DNAH11: variants seen among roughly 807,000 people sequenced by gnomAD.
DNAH11 encodes axonemal beta dynein heavy chain 11.
Under a neutral mutation model 526.0 loss-of-function variants are expected in DNAH11, and 442 were observed. The ratio of observed to expected loss-of-function variants is 0.84; its 90% CI spans 0.78 to 0.91. The LOEUF (loss-of-function observed/expected upper bound fraction) is 0.91. Among genes scored for constraint, DNAH11 ranks in the 40% least tolerant of loss-of-function variants. The probability of loss-of-function intolerance (pLI) is 0.00; values close to 1 mark genes in which losing one functional copy is unlikely to be tolerated. For synonymous variants in DNAH11, 2,461 were observed against 1,935.9 expected (o/e 1.27, Z -7.12); for missense variants, 6,989 against 5,448.7 (o/e 1.28, Z -8.90).
At chr7:21,845,708 T>C (rs929093942) in intron 66 of DNAH11, among the ~76,000 whole-genome samples, 12 of 152,202 alleles carry the variant, frequency 7.9e-5, no homozygotes, top group African/African-American at 1.4e-4. Context: ...CTGGATCTTA[T>C]GATTTTTAAT....
intron 2 of DNAH11, among the ~76,000 whole-genome samples, chr7:21,551,695 C>G (rs1261518262): frequency 6.6e-6 from 1 of 152,174 alleles, no homozygotes; most frequent in Non-Finnish European, 1.5e-5. Context: ...GACGACCTAT[C>G]CACAAATAGC....
chr7:21,751,428 C>T (rs192878680), intron 54 of DNAH11, among the ~76,000 whole-genome samples: 14 of 152,076 alleles, frequency 9.2e-5, no homozygotes, highest in Admixed American at 6.6e-5. Flanking sequence ...GATAATATAA[C>T]CAGATAATAG....
chr7:21,586,807 A>G (rs1784492013), intron 9 of DNAH11, among the ~76,000 whole-genome samples: 1 of 152,220 alleles, frequency 6.6e-6, no homozygotes, highest in South Asian at 2.1e-4. Flanking sequence ...AGGCTTAATA[A>G]CTAACATATT....
At chr7:21,633,431 T>C (rs1786712985) in intron 25 of DNAH11, among the ~76,000 whole-genome samples, 1 of 152,242 alleles carries the variant, frequency 6.6e-6, no homozygotes, top group African/African-American at 2.4e-5. Context: ...TATTACTGTA[T>C]TGCAGTCTAT....
chr7:21,560,936 C>T (rs1783432217), intron 4 of DNAH11, 135 bp from the exon 5 acceptor site: 1 of 614,136 alleles, frequency 1.6e-6, no homozygotes, highest in African/African-American at 1.9e-5. Context: ...CAACTGGAAA[C>T]CAGATATAAC....
At chr7:21,568,149 T>G (rs572354318) in intron 6 of DNAH11, among the ~76,000 whole-genome samples, 10 of 152,322 alleles carry the variant, frequency 6.6e-5, no homozygotes, top group African/African-American at 1.9e-4. Context: ...ACAATATCAT[T>G]GGTAAATTGG....
At chr7:21,781,855 A>G (rs1296079747) in intron 57 of DNAH11, among the ~76,000 whole-genome samples, 1 of 152,134 alleles carries the variant, frequency 6.6e-6, no homozygotes, top group African/African-American at 2.4e-5. Flanking sequence ...AGTATTGGCA[A>G]GTTTGGTTTC....
At chr7:21,665,285 A>G (rs1338473875) in intron 30 of DNAH11, among the ~76,000 whole-genome samples, 1 of 152,074 alleles carries the variant, frequency 6.6e-6, no homozygotes, top group East Asian at 1.9e-4. Context: ...ATATTGCAAG[A>G]CCACCTATTA....
Position 21,620,069 on chromosome 7 carries a change from G to C in DNAH11, c.4491G>C (p.Glu1497Asp), listed in dbSNP as rs564202359. ...KSDEQLFETL[E>D]HNQVQLQTLL... Reference sequence around the variant, plus strand: ...ATGAACAACTTTTTGAAACTCTAGAGCACAACCAAGTAAGATGGATATTTT... The same window carrying C: ...ATGAACAACTTTTTGAAACTCTAGACCACAACCAAGTAAGATGGATATTTT... The change falls in exon 25 of 82, where the codon GAG becomes GAC. Residue 1497 changes from glutamate (E) to aspartate (D), a missense_variant. By Grantham distance (45) the Glu-to-Asp change is conservative. Coordinates refer to ENST00000409508, the MANE Select transcript of DNAH11 (RefSeq NM_001277115.2). 1 of 1,584,994 alleles carries C rather than the reference G, an allele frequency of 6.3e-7. No homozygotes were observed. The highest frequency in any genetic ancestry group is 2.3e-5 in the East Asian group (1 of 44,194).
At chr7:21,640,812 T>C (rs1787095411) in intron 28 of DNAH11, among the ~76,000 whole-genome samples, 1 of 152,190 alleles carries the variant, frequency 6.6e-6, no homozygotes, top group African/African-American at 2.4e-5. Context: ...AGCTTTCGTT[T>C]AATAACTTGG....
At chr7:21,765,867 A>G (rs865844275) in intron 55 of DNAH11, among the ~76,000 whole-genome samples, 1 of 152,214 alleles carries the variant, frequency 6.6e-6, no homozygotes, top group Non-Finnish European at 1.5e-5. Context: ...GTTCTCACTC[A>G]TGCACTGACT....
chr7:21,825,921 T>C (rs1790271961), intron 65 of DNAH11, among the ~76,000 whole-genome samples: 2 of 147,988 alleles, frequency 1.4e-5, no homozygotes, highest in South Asian at 2.1e-4. Context: ...ATGGTGCCAC[T>C]GCACTCCAGC....
rs1782693062 is a variant in DNAH11 at position 21,672,723 on chromosome 7, TTC to T, written c.5329-8821_5329-8820del. Among the ~76,000 whole-genome samples, 4 of 152,320 alleles carry T rather than the reference TTC, an allele frequency of 2.6e-5. No homozygotes were observed. In the South Asian group the frequency reaches 8.3e-4, roughly 32 times the overall value. On this transcript the variant is annotated intron_variant, in intron 30 of 81. Transcript: ENST00000409508. ...GCTTCTGCTGCAAGGAAGATTTTTT[TTC>T]TTTGTTGCCTTATTTAAACCTATAG...
chr7:21,738,574 T>C (rs1300496202), intron 46 of DNAH11, 127 bp from the exon 47 acceptor site: 4 of 906,736 alleles, frequency 4.4e-6, no homozygotes, highest in Middle Eastern at 3.5e-4. Flanking sequence ...TCTTAACCTA[T>C]GAAGGGGCGA....
Position 21,742,020 on chromosome 7 carries a change from G to T in DNAH11, c.8008G>T (p.Ala2670Ser), listed in dbSNP as rs1393179441. The T allele has an allele frequency of 2.5e-6, 4 of 1,613,892 alleles. No individual in the cohort carries two copies. Among genetic ancestry groups the T allele is most frequent in the Admixed American group, 1.7e-5 (1 of 60,004 alleles). The part of the protein sequence containing the change: ...QIFSFHFQQQ[A>S]FAPSILRSGP... ...CTTTAGCTTCCATTTCCAACAGCAA[G>T]CATTTGCTCCATCAATTCTCAGGAG... Residue 2670 changes from alanine (A) to serine (S), a missense_variant, in exon 49 of 82, where the codon GCA becomes TCA. Coordinates refer to ENST00000409508, the MANE Select transcript of DNAH11 (RefSeq NM_001277115.2).
At position 21,591,023 on chromosome 7, in the gene DNAH11, G is replaced by C; in HGVS notation, c.2274+1G>C. 1 of 1,491,228 alleles carries C rather than the reference G, an allele frequency of 6.7e-7. No homozygotes were observed. The highest frequency in any genetic ancestry group is 8.9e-7 in the Non-Finnish European group (1 of 1,129,216). 92.4% of individuals were successfully genotyped at this position (1,491,228 alleles called of 1,614,324 possible). On this transcript the variant is annotated splice_donor_variant, in intron 13 of 81. Transcript: ENST00000409508. LOFTEE classifies it high-confidence loss of function. Reference sequence around the variant, plus strand: ...CAAGAAAAGGAACACTATTTTAAAGGTTTGTGATTTTTGTTAAAAAAAAGA... The same window carrying C: ...CAAGAAAAGGAACACTATTTTAAAGCTTTGTGATTTTTGTTAAAAAAAAGA...
At chr7:21,793,374 T>C (rs2127990333) in intron 61 of DNAH11, among the ~76,000 whole-genome samples, 1 of 152,320 alleles carries the variant, frequency 6.6e-6, no homozygotes, top group Middle Eastern at 3.4e-3. Context: ...TCCCAGCACT[T>C]TGAGAGGCTG....
rs114247377 is a variant in DNAH11 at position 21,551,185 on chromosome 7, T to A, written c.495+6036T>A. Among the ~76,000 whole-genome samples, 1,410 of 152,262 alleles carry A rather than the reference T, an allele frequency of 9.3e-3. 20 individuals carry two copies. The highest frequency in any genetic ancestry group is 0.032 in the African/African-American group (1,332 of 41,548). On this transcript the variant is annotated intron_variant, in intron 2 of 81. Coordinates refer to ENST00000409508, the MANE Select transcript of DNAH11 (RefSeq NM_001277115.2). ...CATCTTCAGTTTGACCCCTATCCTGTCTAATTCTTCCTTCTTCTCTCTGGT... is the reference window on the plus strand; with the variant it reads ...CATCTTCAGTTTGACCCCTATCCTGACTAATTCTTCCTTCTTCTCTCTGGT...
chr7:21,782,910 A>G (rs981510267), intron 57 of DNAH11, among the ~76,000 whole-genome samples: 4 of 102,046 alleles, frequency 3.9e-5, no homozygotes, highest in Non-Finnish European at 6.5e-5. Context: ...ACTGTCTCAA[A>G]AAAAAAAAAA....
Sources: allele counts gnomAD v4.1 joint callset (sites outside exome capture counted in the v4.1 genomes callset), GRCh38; gene constraint gnomAD v4.1.1; transcripts MANE v1.5; gene names NCBI Gene and HGNC (gene_info 2026-07-23, HGNC 2026-07-21).